The following CTNNA2 variants were observed in gnomAD, a reference collection of about 807,000 sequenced individuals.
The protein encoded by CTNNA2 is catenin alpha-2.
CTNNA2 carries 42 observed loss-of-function variants against 101.0 expected under a neutral mutation model. The observed-to-expected ratio is 0.42, with a 90% CI of 0.32 to 0.54. The LOEUF is 0.54. Ranked by LOEUF, CTNNA2 falls within the 20% of genes least tolerant of loss-of-function variation. The pLI is 0.14. For synonymous variants in CTNNA2, 450 were observed against 456.4 expected (o/e 0.99, Z 0.18); for missense variants, 871 against 1,223.1 (o/e 0.71, Z 4.29).
intron 9 of CTNNA2, among the ~76,000 whole-genome samples, chr2:80,421,626 C>T (rs904125066): frequency 6.6e-6 from 1 of 152,074 alleles, no homozygotes; most frequent in Non-Finnish European, 1.5e-5. Flanking sequence ...ACTTGCAGCT[C>T]CACATTTCAG....
At chr2:79,779,485 C>A (rs889604250) in intron 3 of CTNNA2, among the ~76,000 whole-genome samples, 3 of 152,184 alleles carry the variant, frequency 2.0e-5, no homozygotes, top group Non-Finnish European at 2.9e-5. Context: ...GGACACATGT[C>A]ATTCTTTCTT....
Position 80,547,173 on chromosome 2 carries a change from G to GGGGCTTGTCCCACAC in CTNNA2, c.1540+1110_1540+1111insGGGCTTGTCCCACAC, listed in dbSNP as rs1692150661. ...AATAAATTCCCACTGGGGCTTGTCT[G>GGGGCTTGTCCCACAC]AGAACTGTGTAGTCAAATCTGTAGA... On this transcript the variant is annotated intron_variant, in intron 11 of 18. Coordinates refer to ENST00000402739, the MANE Select transcript of CTNNA2 (RefSeq NM_001282597.3). Among the ~76,000 whole-genome samples, 10 of 152,282 alleles carry GGGGCTTGTCCCACAC rather than the reference G, an allele frequency of 6.6e-5. 1 individual carries two copies. The South Asian group carries it at 1.0e-3, about 16-fold the overall frequency.
At chr2:80,154,738 A>G (rs533960483) in intron 7 of CTNNA2, among the ~76,000 whole-genome samples, 30 of 152,250 alleles carry the variant, frequency 2.0e-4, no homozygotes, top group African/African-American at 6.0e-4. Context: ...GGTGAGTCCT[A>G]TGTGTCTCCT....
At chr2:80,498,060 A>C (rs996270040) in intron 9 of CTNNA2, among the ~76,000 whole-genome samples, 2 of 152,242 alleles carry the variant, frequency 1.3e-5, no homozygotes, top group African/African-American at 4.8e-5. Context: ...TGCAACAATA[A>C]AAAATGAATA....
At chr2:80,061,783 A>T (rs1014492185) in intron 7 of CTNNA2, among the ~76,000 whole-genome samples, 1 of 152,204 alleles carries the variant, frequency 6.6e-6, no homozygotes, top group Non-Finnish European at 1.5e-5. Context: ...CATGCCTTGG[A>T]TGTGGCCTCC....
chr2:79,289,285 G>A (rs1473182176), intron 2 of CTNNA2, among the ~76,000 whole-genome samples: 2 of 152,068 alleles, frequency 1.3e-5, no homozygotes, highest in Middle Eastern at 3.2e-3. Flanking sequence ...TTCTTTGGGG[G>A]TTGTTTTGTT....
chr2:79,284,451 T>G (rs1378559132), intron 2 of CTNNA2, among the ~76,000 whole-genome samples: 2 of 151,210 alleles, frequency 1.3e-5, no homozygotes, highest in East Asian at 2.0e-4. Context: ...CCTACTTTAT[T>G]GAGAGTTTTT....
chr2:79,530,377 AAT>A (rs1335845194), intron 1 of CTNNA2, among the ~76,000 whole-genome samples: 1 of 152,200 alleles, frequency 6.6e-6, no homozygotes, highest in Non-Finnish European at 1.5e-5. Context: ...AACTAGCAGA[AAT>A]AGTTTATCGA....
chr2:80,131,571 A>C (rs918790602), intron 7 of CTNNA2, among the ~76,000 whole-genome samples: 1 of 152,172 alleles, frequency 6.6e-6, no homozygotes, highest in Non-Finnish European at 1.5e-5. Context: ...GAGGATAGAA[A>C]ATTTACTAAA....
intron 6 of CTNNA2, among the ~76,000 whole-genome samples, chr2:79,893,861 C>T (rs187231885): frequency 8.5e-5 from 13 of 152,274 alleles, no homozygotes; most frequent in Middle Eastern, 3.4e-3. Flanking sequence ...CTGAGGATAA[C>T]TAAACTTTCT....
rs377159450 is a variant in CTNNA2, at chr2:80,149,774, T to TCTCACACACACA, written c.1056+239978_1056+239979insTCACACACACAC. 9.6e-3 allele frequency among the ~76,000 whole-genome samples: 1,382 copies of TCTCACACACACA among 143,370 alleles called. 31 individuals carry two copies. The highest frequency in any genetic ancestry group is 0.034 in the African/African-American group (1,315 of 38,604). 94.1% of individuals were successfully genotyped at this position (143,370 alleles called of 152,430 possible). On this transcript the variant is annotated intron_variant, in intron 7 of 18. Coordinates refer to ENST00000402739, the MANE Select transcript of CTNNA2 (RefSeq NM_001282597.3). ...TCAGGGAATACTCGATTAGAATGGATCACACACACACACACACACACACAC... is the reference window on the plus strand; with the variant it reads ...TCAGGGAATACTCGATTAGAATGGATCTCACACACACACACACACACACACACACACACACAC...
chr2:80,521,661 TG>T (rs1180971427), intron 9 of CTNNA2, among the ~76,000 whole-genome samples: 2 of 152,060 alleles, frequency 1.3e-5, no homozygotes, highest in Non-Finnish European at 1.5e-5. Flanking sequence ...TAGGAGCCAA[TG>T]GGGGCAGCCT....
At chr2:80,594,332 G>A (rs947914920) in intron 15 of CTNNA2, among the ~76,000 whole-genome samples, 1 of 151,606 alleles carries the variant, frequency 6.6e-6, no homozygotes, top group Non-Finnish European at 1.5e-5. Flanking sequence ...TTTTTTAGTT[G>A]GGTTGTTTGT....
intron 7 of CTNNA2, among the ~76,000 whole-genome samples, chr2:79,935,823 A>G (rs1312091668): frequency 6.6e-6 from 1 of 152,232 alleles, no homozygotes; most frequent in African/African-American, 2.4e-5. Flanking sequence ...TTTTCCTTGC[A>G]GAGATTTCCT....
chr2:80,235,319 T>C (rs1162667328), intron 7 of CTNNA2, among the ~76,000 whole-genome samples: 1 of 152,238 alleles, frequency 6.6e-6, no homozygotes, highest in Admixed American at 6.5e-5. Flanking sequence ...TCTGTGTGAA[T>C]GGAGAGCCTG....
chr2:79,535,119 A>G (rs974720208), intron 1 of CTNNA2, among the ~76,000 whole-genome samples: 8 of 152,220 alleles, frequency 5.3e-5, no homozygotes, highest in African/African-American at 1.9e-4. Context: ...TATGATAGAC[A>G]AAATCTTAAT....
chr2:79,782,334 TC>T (rs1674509703), intron 3 of CTNNA2, among the ~76,000 whole-genome samples: 1 of 152,170 alleles, frequency 6.6e-6, no homozygotes, highest in Non-Finnish European at 1.5e-5. Flanking sequence ...CCTCCTGGGT[TC>T]AAGTGATTCT....
intron 7 of CTNNA2, among the ~76,000 whole-genome samples, chr2:80,248,195 CCTGGCCTA>C (rs1256748195): frequency 6.6e-6 from 1 of 152,010 alleles, no homozygotes; most frequent in Non-Finnish European, 1.5e-5. Context: ...CTCTTTTATG[CCTGGCCTA>C]CTGAGCAGAG....
At chr2:80,578,453 T>A (rs1320539165) in intron 13 of CTNNA2, among the ~76,000 whole-genome samples, 3 of 152,172 alleles carry the variant, frequency 2.0e-5, no homozygotes. Context: ...TTTCCATGTT[T>A]CCTTTAATTC....
Sources: gnomAD v4.1 joint callset for allele counts (sites outside exome capture counted in the v4.1 genomes callset) on GRCh38, gnomAD v4.1.1 for gene constraint, MANE v1.5 for transcripts, NCBI Gene and HGNC (gene_info 2026-07-23, HGNC 2026-07-21) for gene names.